GREB1L: variants seen among roughly 807,000 people sequenced by gnomAD.
GREB1L encodes GREB1-like protein.
Under a neutral mutation model 200.8 loss-of-function variants are expected in GREB1L, and 17 were observed. The observed-to-expected ratio is 0.08, with a 90% confidence interval of 0.06 to 0.13. GREB1L has a LOEUF of 0.13. Ranked by LOEUF, GREB1L falls within the 10% of genes least tolerant of loss-of-function variation. The pLI, the probability that GREB1L is intolerant of heterozygous loss-of-function variation, is 1.00. For synonymous variants in GREB1L, 789 were observed against 893.0 expected, an observed-to-expected ratio of 0.88 and a Z score of 2.08; for missense variants, 1,657 against 2,367.7, an observed-to-expected ratio of 0.70 and a Z score of 6.23.
chr18:21,290,065 G>A (rs1366216832), intron 1 of GREB1L, among the ~76,000 whole-genome samples: 1 of 152,174 alleles, frequency 6.6e-6, no homozygotes, highest in Non-Finnish European at 1.5e-5. Context: ...CAAATGCTAT[G>A]CTGTTACTTG....
intron 7 of GREB1L, among the ~76,000 whole-genome samples, chr18:21,422,992 G>A (rs1300927404): frequency 3.9e-5 from 6 of 152,006 alleles, no homozygotes; most frequent in Non-Finnish European, 7.4e-5. Context: ...GTATAGTGGC[G>A]CGATCTCGGC....
At chr18:21,376,138 A>C (rs759779405) in intron 2 of GREB1L, among the ~76,000 whole-genome samples, 1 of 151,882 alleles carries the variant, frequency 6.6e-6, no homozygotes, top group Non-Finnish European at 1.5e-5. Context: ...AATTTTTTTG[A>C]GATGGAGTTT....
At chr18:21,397,679 C>T (rs1206660139) in intron 5 of GREB1L, among the ~76,000 whole-genome samples, 1 of 151,830 alleles carries the variant, frequency 6.6e-6, no homozygotes, top group Non-Finnish European at 1.5e-5. Flanking sequence ...CTAGGCTGGG[C>T]GACAGAGTGA....
At chr18:21,323,657 G>A (rs1169240028) in intron 1 of GREB1L, among the ~76,000 whole-genome samples, 1 of 152,050 alleles carries the variant, frequency 6.6e-6, no homozygotes, top group African/African-American at 2.4e-5. Context: ...TTTTTGAGAG[G>A]CCAGAGTTCG....
At chr18:21,265,054 CTTA>C (rs1598614653) in intron 1 of GREB1L, among the ~76,000 whole-genome samples, 1 of 152,072 alleles carries the variant, frequency 6.6e-6, no homozygotes, top group South Asian at 2.1e-4. Flanking sequence ...ATTTGCTACA[CTTA>C]TTGTTGTTTT....
At chr18:21,246,173 C>T (rs935472606) in intron 1 of GREB1L, among the ~76,000 whole-genome samples, 4 of 149,072 alleles carry the variant, frequency 2.7e-5, no homozygotes, top group East Asian at 1.9e-4. Context: ...TTAAACCTAG[C>T]TCTAGTACTC....
chr18:21,521,706 A>G (rs992042473), intron 32 of GREB1L, among the ~76,000 whole-genome samples: 2 of 151,986 alleles, frequency 1.3e-5, no homozygotes, highest in Admixed American at 6.6e-5. Flanking sequence ...CAAACATCCT[A>G]CAAGACACAG....
Position 21,522,150 on chromosome 18 carries a change from G to A in GREB1L, c.5609-508G>A, listed in dbSNP as rs1202924953. 1.3e-5 allele frequency among the ~76,000 whole-genome samples: 2 copies of A among 151,890 alleles called. 1 individual carries two copies. The highest frequency in any genetic ancestry group is 3.9e-4 in the East Asian group (2 of 5,166). On this transcript the variant is annotated intron_variant, in intron 32 of 32. Transcript: ENST00000424526. ...TCACAGGGAAGAGGGAATGTGGTTGGAAGATTACTTACTTTATACTCTTAA... is the reference window on the plus strand; with the variant it reads ...TCACAGGGAAGAGGGAATGTGGTTGAAAGATTACTTACTTTATACTCTTAA...
intron 15 of GREB1L, among the ~76,000 whole-genome samples, chr18:21,461,413 C>T (rs565467938): frequency 1.6e-4 from 25 of 152,222 alleles, no homozygotes; most frequent in Non-Finnish European, 2.9e-4. Context: ...CTCCCCTCCT[C>T]CTACCAACTG....
intron 1 of GREB1L, among the ~76,000 whole-genome samples, chr18:21,334,534 C>G (rs1328456825): frequency 2.0e-5 from 3 of 152,054 alleles, no homozygotes; most frequent in African/African-American, 7.2e-5. Context: ...AAAAATCACC[C>G]CATTATTGAT....
rs1358725682 is a variant in GREB1L, at chr18:21,496,570, C to G, written c.3263C>G (p.Pro1088Arg). The part of the protein sequence containing the change: ...CYVSKEVIRG[P>R]TVALDLSGKE... ...GTCTCAAAAGAGGTCATCCGGGGACCCACTGTTGCCCTGGACCTCAGCGGG... is the reference window on the plus strand; with the variant it reads ...GTCTCAAAAGAGGTCATCCGGGGACGCACTGTTGCCCTGGACCTCAGCGGG... The change falls in exon 21 of 33, where the codon CCC becomes CGC. Residue 1088 changes from proline (P) to arginine (R), a missense_variant. By Grantham distance (103) the Pro-to-Arg change is moderately radical. Around this residue, in one of 9 missense-constraint regions of GREB1L, gnomAD observed 512 missense variants for 668.3 expected, o/e 0.77. Transcript: ENST00000424526. 20 of 1,551,562 alleles carry G rather than the reference C, an allele frequency of 1.3e-5. No individual in the cohort carries two copies. Among genetic ancestry groups the G allele is most frequent in the East Asian group, 1.2e-4 (5 of 40,932 alleles).
chr18:21,477,708 C>G (rs2035758710), intron 17 of GREB1L, among the ~76,000 whole-genome samples: 1 of 152,040 alleles, frequency 6.6e-6, no homozygotes, highest in Non-Finnish European at 1.5e-5. Flanking sequence ...ATCACTTAAA[C>G]CCGGGAGGCG....
At chr18:21,372,407 A>G (rs1474053917) in intron 2 of GREB1L, among the ~76,000 whole-genome samples, 1 of 151,780 alleles carries the variant, frequency 6.6e-6, no homozygotes, top group African/African-American at 2.4e-5. Context: ...CAGCCTCCCA[A>G]AGTGCTAGGA....
At chr18:21,243,308 G>C (rs1159685977) in intron 1 of GREB1L, among the ~76,000 whole-genome samples, 1 of 152,166 alleles carries the variant, frequency 6.6e-6, no homozygotes, top group Non-Finnish European at 1.5e-5. Context: ...TCGTTTGCCC[G>C]GAACTGCCGC....
rs1296725330 is a variant in GREB1L, at chr18:21,518,117, A to G, written c.5355A>G (p.Ala1785=). The change falls in exon 31 of 33, where the codon GCA becomes GCG. Residue 1785 remains alanine, a synonymous_variant. Transcript: ENST00000424526. ...AACACACACTACTGGCAGCCCCTGC[A>G]CAGTTTCTCCTGGAGAAATTCCTTC... The part of the protein sequence containing the change: ...DSEHTLLAAP[A]QFLLEKFLQH... 1.3e-6 allele frequency: 2 copies of G among 1,551,618 alleles called. No individual in the cohort carries two copies. The highest frequency in any genetic ancestry group is 3.9e-5 in the Admixed American group (2 of 51,002).
rs151071927 is a variant in GREB1L at position 21,518,042 on chromosome 18, G to C, written c.5280G>C (p.Glu1760Asp). 2.8e-3 allele frequency: 4,266 copies of C among 1,551,242 alleles called. 11 individuals are homozygous for C. The highest frequency in any genetic ancestry group is 3.0e-3 in the Non-Finnish European group (3,431 of 1,146,664). The change falls in exon 31 of 33, where the codon GAG becomes GAC. Residue 1760 changes from glutamate (E) to aspartate (D), a missense_variant. Glu to Asp is a conservative substitution (Grantham distance 45, BLOSUM62 2). Coordinates refer to ENST00000424526, the MANE Select transcript of GREB1L (RefSeq NM_001142966.3). The stretch of plus-strand genomic sequence containing the variant: ...CTCGCCTCTGATTTCAGGTGTCAGA[G>C]AGCTTAGCACCCATCTTGCCCCTTC... ...FIIKPKIMVS[E>D]SLAPILPLQY...
At chr18:21,408,010 A>G (rs1180837453) in intron 7 of GREB1L, among the ~76,000 whole-genome samples, 1 of 152,232 alleles carries the variant, frequency 6.6e-6, no homozygotes, top group Non-Finnish European at 1.5e-5. Flanking sequence ...AATGTGTACA[A>G]ACATAAAGTT....
chr18:21,284,872 C>T (rs908931573), intron 1 of GREB1L, among the ~76,000 whole-genome samples: 6 of 152,120 alleles, frequency 3.9e-5, no homozygotes, highest in African/African-American at 1.4e-4. Context: ...TTAGCCATCC[C>T]AGTGGGTATG....
At chr18:21,500,788 G>A in intron 23 of GREB1L, 146 bp downstream of exon 23, 2 of 621,582 alleles carry the variant, frequency 3.2e-6, no homozygotes, top group Non-Finnish European at 2.7e-6. Flanking sequence ...TGTGCCCAAG[G>A]CCAGGCATGG....
Sources: gnomAD v4.1 joint callset for allele counts (sites outside exome capture counted in the v4.1 genomes callset) on GRCh38, gnomAD v4.1.1 for gene constraint, gnomAD v4.1.1 regional missense constraint, MANE v1.5 for transcripts, NCBI Gene and HGNC (gene_info 2026-07-23, HGNC 2026-07-21) for gene names.